Variants in NDUFA10 observed in about 807,000 individuals in gnomAD.
The protein encoded by NDUFA10 is NADH:ubiquinone oxidoreductase subunit A10.
Under a neutral mutation model 47.8 loss-of-function variants are expected in NDUFA10, and 40 were observed. The observed-to-expected ratio is 0.84, with a 90% CI of 0.65 to 1.09. The LOEUF (loss-of-function observed/expected upper bound fraction) is 1.09. Ranked by LOEUF, NDUFA10 falls within the 50% of genes least tolerant of loss-of-function variation. NDUFA10 has a pLI of 0.00. For missense variants in NDUFA10, 413 were observed against 451.1 expected, an observed-to-expected ratio of 0.92 and a Z score of 0.76; for synonymous variants, 183 against 172.2, an observed-to-expected ratio of 1.06 and a Z score of -0.49.
chr2:239,942,972 G>C (rs1435541225), intron 4 of NDUFA10: 1 of 154,390 alleles, frequency 6.5e-6, no homozygotes, highest in Non-Finnish European at 1.5e-5. Flanking sequence ...GTGGAAGAAG[G>C]TTCGTTCAAA....
intron 8 of NDUFA10, among the ~76,000 whole-genome samples, chr2:239,998,766 G>A (rs893305949): frequency 6.6e-6 from 1 of 152,198 alleles, no homozygotes; most frequent in South Asian, 2.1e-4. Context: ...ATATGTTACT[G>A]TATTTTTCAC....
At chr2:239,918,378 C>T (rs1262462941) in intron 4 of NDUFA10, among the ~76,000 whole-genome samples, 2 of 152,196 alleles carry the variant, frequency 1.3e-5, no homozygotes, top group South Asian at 4.1e-4. Context: ...CTTGCAGGAG[C>T]CTTGAACCCG....
rs1697357941 is a variant in NDUFA10, at chr2:240,016,564, TCA to T, written c.548-1706_548-1705del. On this transcript the variant is annotated intron_variant, in intron 4 of 9. Coordinates refer to ENST00000252711, the MANE Select transcript of NDUFA10 (RefSeq NM_004544.4). This position sits in a 1 kb window ranked among gnomAD's most constrained non-coding sequence, Gnocchi z 4.4. Reference sequence around the variant, plus strand: ...AGTCACTTCTCAGTTCCCATCAGAGTCACAGCACATGTGACACCAACAACCAA... The same window carrying T: ...AGTCACTTCTCAGTTCCCATCAGAGTCAGCACATGTGACACCAACAACCAA... 6.6e-6 allele frequency among the ~76,000 whole-genome samples: 1 copy of T among 151,706 alleles called. No homozygotes were observed. The highest frequency in any genetic ancestry group is 1.9e-4 in the East Asian group (1 of 5,148).
At chr2:239,985,058 G>A (rs556039633) in intron 9 of NDUFA10, among the ~76,000 whole-genome samples, 4 of 152,252 alleles carry the variant, frequency 2.6e-5, no homozygotes, top group South Asian at 2.1e-4. Flanking sequence ...ACGGTAAAGC[G>A]CATCCTCTCC....
chr2:239,955,908 G>A (rs993666574), downstream of NDUFA10, among the ~76,000 whole-genome samples: 5 of 152,176 alleles, frequency 3.3e-5, no homozygotes, highest in Admixed American at 6.5e-5. Flanking sequence ...AGCAGAGCCC[G>A]GAGTCAGAGA....
chr2:239,903,299 CG>C (rs1693588014), intron 4 of NDUFA10, among the ~76,000 whole-genome samples: 1 of 152,190 alleles, frequency 6.6e-6, no homozygotes, highest in South Asian at 2.1e-4. Context: ...AACGTCAGCA[CG>C]GGGGGCTTGT....
chr2:239,996,037 A>G (rs1179044474), intron 8 of NDUFA10, among the ~76,000 whole-genome samples: 2 of 152,196 alleles, frequency 1.3e-5, no homozygotes, highest in Non-Finnish European at 2.9e-5. Context: ...CAGAGAGAAA[A>G]TCCGTAAGGA....
At chr2:239,921,301 G>A (rs1693974769) in intron 4 of NDUFA10, among the ~76,000 whole-genome samples, 1 of 151,888 alleles carries the variant, frequency 6.6e-6, no homozygotes, top group Non-Finnish European at 1.5e-5. Flanking sequence ...TGCCATGAGT[G>A]TTATAGCTCT....
rs78746474 is a variant in NDUFA10 at position 239,992,444 on chromosome 2, C to T, written c.891-2262G>A. ...TCAACACTTTGTCCTATAACATTTCCAAACCCTATTTTTCAGTTTCTCCTG... is the reference window on the plus strand; with the variant it reads ...TCAACACTTTGTCCTATAACATTTCTAAACCCTATTTTTCAGTTTCTCCTG... On this transcript the variant is annotated intron_variant, in intron 8 of 9. Coordinates refer to ENST00000252711, the MANE Select transcript of NDUFA10 (RefSeq NM_004544.4). Among the ~76,000 whole-genome samples, 1,249 of 152,278 alleles carry T rather than the reference C, an allele frequency of 8.2e-3. 24 individuals are homozygous for T. Among genetic ancestry groups the T allele is most frequent in the African/African-American group, 0.028 (1,178 of 41,550 alleles).
At chr2:239,971,682 G>A (rs1007283151) in intron 9 of NDUFA10, among the ~76,000 whole-genome samples, 3 of 152,192 alleles carry the variant, frequency 2.0e-5, no homozygotes, top group Admixed American at 2.0e-4. Flanking sequence ...CACGTGGCTA[G>A]CTGGTGGCAG....
chr2:239,982,202 C>T (rs372098531), intron 9 of NDUFA10: 25 of 1,612,860 alleles, frequency 1.6e-5, no homozygotes, highest in Admixed American at 3.3e-5. Flanking sequence ...CAGCCCGCTG[C>T]GGGTAGGGGA....
rs371366729 is a variant in NDUFA10, at chr2:239,979,987, A to G, written c.999+10087T>C. Among the ~76,000 whole-genome samples the G allele has an allele frequency of 4.9e-4, 74 of 151,330 alleles. No homozygotes were observed. The East Asian group carries it at 0.013, about 28-fold the overall frequency. On this transcript the variant is annotated intron_variant, in intron 9 of 9. Transcript: ENST00000252711. ...GGTGCCTGCTCCCCTACACCCCCAC[A>G]TCCCTCACTCCCCTGTGGCGCCTGC... is the stretch of plus-strand genomic sequence containing the variant.
At chr2:240,013,294 T>C (rs2106484526) in intron 5 of NDUFA10, 1 of 152,342 alleles carries the variant, frequency 6.6e-6, no homozygotes, top group African/African-American at 2.4e-5. Context: ...TAAAATGGGG[T>C]AATTTTACCT....
chr2:239,907,804 G>A (rs1156642789), intron 4 of NDUFA10, among the ~76,000 whole-genome samples: 1 of 152,154 alleles, frequency 6.6e-6, no homozygotes, highest in Non-Finnish European at 1.5e-5. Flanking sequence ...TGGTGGGAGT[G>A]TAAACTAGTT....
At chr2:239,899,161 C>G (rs1223792571) in intron 4 of NDUFA10, among the ~76,000 whole-genome samples, 1 of 1,940 alleles carries the variant, frequency 5.2e-4, no homozygotes, top group East Asian at 0.014. Context: ...GGAGGGGAGT[C>G]ATGGAGGGGT....
At chr2:239,949,052 T>C (rs1694504750) in intron 4 of NDUFA10, among the ~76,000 whole-genome samples, 1 of 152,226 alleles carries the variant, frequency 6.6e-6, no homozygotes, top group African/African-American at 2.4e-5. Context: ...TCTCATTGCT[T>C]TAACCCCACG....
Position 239,906,793 on chromosome 2 carries a change from T to C in NDUFA10, c.295-11479A>G, listed in dbSNP as rs1559268235. Among the ~76,000 whole-genome samples, 1 of 152,188 alleles carries C rather than the reference T, an allele frequency of 6.6e-6. No individual in the cohort carries two copies. Among genetic ancestry groups the C allele is most frequent in the African/African-American group, 2.4e-5 (1 of 41,440 alleles). The stretch of plus-strand genomic sequence containing the variant: ...CAAATGGAAGAATATTCCATGCTCA[T>C]GGACAGGAAGAATCAATATTGTGAA... On this transcript the variant is annotated intron_variant, in intron 4 of 5. Transcript: ENST00000419408. This position sits in a 1 kb window ranked among gnomAD's most constrained non-coding sequence, Gnocchi z 4.3.
At chr2:239,907,108 A>T (rs1693668286) in intron 4 of NDUFA10, among the ~76,000 whole-genome samples, 2 of 152,184 alleles carry the variant, frequency 1.3e-5, no homozygotes. Context: ...AATACCACAC[A>T]TCTACAACCA....
intron 4 of NDUFA10, among the ~76,000 whole-genome samples, chr2:239,895,589 A>C (rs1051050464): frequency 1.6e-4 from 25 of 152,210 alleles, no homozygotes; most frequent in Non-Finnish European, 3.7e-4. Context: ...TTGCTACTTA[A>C]GGTCATCCTA....
Sources: allele counts gnomAD v4.1 joint callset (sites outside exome capture counted in the v4.1 genomes callset), GRCh38; gene constraint gnomAD v4.1.1; non-coding constraint Gnocchi (gnomAD v3.1); transcripts MANE v1.5; gene names NCBI Gene and HGNC (gene_info 2026-07-23, HGNC 2026-07-21).